Variants in CELF2 observed in about 807,000 individuals in gnomAD.
The protein encoded by CELF2 is CUG triplet repeat RNA-binding protein 2.
CELF2 carries 8 observed loss-of-function variants against 62.6 expected under a neutral mutation model. The observed-to-expected ratio is 0.13, with a 90% CI of 0.07 to 0.23. The LOEUF is 0.23. Among genes scored for constraint, CELF2 ranks in the 10% least tolerant of loss-of-function variants. The pLI is 1.00. For synonymous variants in CELF2, 258 were observed against 250.0 expected (o/e 1.03, Z -0.30); for missense variants, 333 against 671.0 (o/e 0.50, Z 5.56).
At chr10:10,542,519 A>G in the CELF2 span, among the ~76,000 whole-genome samples, 2 of 152,198 alleles carry the variant, frequency 1.3e-5, no homozygotes, top group Admixed American at 1.3e-4. Flanking sequence ...GGAGAGGGAA[A>G]GCTTTTCCAC....
At chr10:11,100,208 TAAATAAATAAATA>T (rs902670817) in intron 1 of CELF2, among the ~76,000 whole-genome samples, 28 of 121,970 alleles carry the variant, frequency 2.3e-4, no homozygotes, top group Admixed American at 1.5e-4. Context: ...TGTCTCAAAA[TAAATAAATAAATA>T]AAATAAATAA....
At chr10:10,755,638 G>A in the CELF2 span, among the ~76,000 whole-genome samples, 1 of 152,226 alleles carries the variant, frequency 6.6e-6, no homozygotes, top group African/African-American at 2.4e-5. Flanking sequence ...CTTCTCAGAA[G>A]AGTGAGGAAC....
chr10:11,220,459 G>C lies in CELF2; in HGVS notation c.354+2952G>C, dbSNP rs2064515511. On this transcript the variant is annotated intron_variant, in intron 3 of 12. Transcript: ENST00000633077. This position sits in a 1 kb window ranked among gnomAD's most constrained non-coding sequence, Gnocchi z 4.4. Reference sequence around the variant, plus strand: ...TCTGCCATAAGATTTTGATTTAAAGGCACCCTCCTTTACATGTCAGGAATG... The same window carrying C: ...TCTGCCATAAGATTTTGATTTAAAGCCACCCTCCTTTACATGTCAGGAATG... Among the ~76,000 whole-genome samples the C allele has an allele frequency of 6.6e-6, 1 of 152,120 alleles. No individual in the cohort carries two copies. Among genetic ancestry groups the C allele is most frequent in the South Asian group, 2.1e-4 (1 of 4,830 alleles).
At chr10:10,685,321 A>G in the CELF2 span, among the ~76,000 whole-genome samples, 1 of 152,212 alleles carries the variant, frequency 6.6e-6, no homozygotes, top group Non-Finnish European at 1.5e-5. Flanking sequence ...TCTTTAGGCA[A>G]ACATTAAATC....
In CELF2 at chr10:11,237,758, G is replaced by GA. The variant is rs1487012683; in HGVS notation, c.355-11395_355-11394insA. ...GCTGGCACTGGGGAGGGCACCGAAG[G>GA]CTGAGGGAGCACTGAGGCCCCAGGC... On this transcript the variant is annotated intron_variant, in intron 3 of 12. Coordinates refer to ENST00000633077, the MANE Select transcript of CELF2 (RefSeq NM_001326342.2). This position sits in a 1 kb window ranked among gnomAD's most constrained non-coding sequence, Gnocchi z 4.0. Among the ~76,000 whole-genome samples, 4 of 139,906 alleles carry GA rather than the reference G, an allele frequency of 2.9e-5. No individual in the cohort carries two copies. In the East Asian group the frequency reaches 8.4e-4, roughly 29 times the overall value. The allele number at this position is 139,906 out of a possible 152,430, so 91.8% of individuals were successfully genotyped here.
rs761518550 is a variant in CELF2 at position 11,157,093 on chromosome 10, A to G, written c.75-8393A>G. ...GGAAATGGAAGGTCCTTTGCGGAACAGGCTCCAGGGGGTGGCATTTCAAGA... is the reference window on the plus strand; with the variant it reads ...GGAAATGGAAGGTCCTTTGCGGAACGGGCTCCAGGGGGTGGCATTTCAAGA... On this transcript the variant is annotated intron_variant, in intron 1 of 12. Transcript: ENST00000633077. This position sits in a 1 kb window ranked among gnomAD's most constrained non-coding sequence, Gnocchi z 4.9. 2.0e-5 allele frequency among the ~76,000 whole-genome samples: 3 copies of G among 152,108 alleles called. No homozygotes were observed. Among genetic ancestry groups the G allele is most frequent in the Non-Finnish European group, 4.4e-5 (3 of 68,026 alleles).
the CELF2 span, among the ~76,000 whole-genome samples, chr10:10,517,451 G>T: frequency 2.0e-5 from 3 of 152,158 alleles, no homozygotes; most frequent in Non-Finnish European, 4.4e-5. Context: ...TCACCACCCT[G>T]ACCCTGGTCA....
At chr10:10,776,561 G>T in the CELF2 span, 1 of 155,642 alleles carries the variant, frequency 6.4e-6, no homozygotes. Context: ...GGAATGCTGA[G>T]TAAGACAAAA....
chr10:10,826,753 AG>A (rs1445624991), intron 1 of CELF2, among the ~76,000 whole-genome samples: 1 of 152,244 alleles, frequency 6.6e-6, no homozygotes, highest in Non-Finnish European at 1.5e-5. Context: ...TCAAAGATAA[AG>A]AATGCTTTGT....
At chr10:10,654,272 T>C in the CELF2 span, among the ~76,000 whole-genome samples, 16 of 114,460 alleles carry the variant, frequency 1.4e-4, no homozygotes, top group Non-Finnish European at 2.3e-4. Context: ...GATTCACAGC[T>C]GAATTCTACC....
At chr10:11,236,812 G>A (rs1247707024) in intron 3 of CELF2, among the ~76,000 whole-genome samples, 1 of 152,242 alleles carries the variant, frequency 6.6e-6, no homozygotes, top group Non-Finnish European at 1.5e-5. Context: ...GTGTGTACGT[G>A]CATGAGAAGG....
the CELF2 span, among the ~76,000 whole-genome samples, chr10:10,523,259 T>C: frequency 6.6e-6 from 1 of 152,154 alleles, no homozygotes; most frequent in East Asian, 1.9e-4. Flanking sequence ...AGTTAGGAGG[T>C]TATGAGTTTC....
chr10:11,217,358 C>A lies in CELF2; in HGVS notation c.272-67C>A. 9.3e-7 allele frequency: 1 copy of A among 1,073,686 alleles called. No homozygotes were observed. The allele number at this position is 1,073,686 out of a possible 1,614,324, so 66.5% of individuals were successfully genotyped here. A position where few individuals can be genotyped will look rare whatever the true frequency, so the allele number is the denominator to read the frequency against. The stretch of plus-strand genomic sequence containing the variant: ...TTTTAAGTAGATTGTTTGTTCGCCA[C>A]AGTCTCCATTATATCTAAGCAAAGC... On this transcript the variant is annotated intron_variant, in intron 2 of 12. Coordinates refer to ENST00000633077, the MANE Select transcript of CELF2 (RefSeq NM_001326342.2). This position sits in a 1 kb window ranked among gnomAD's most constrained non-coding sequence, Gnocchi z 5.6.
In CELF2 at chr10:10,809,947, T is replaced by A. The variant is rs185991834; in HGVS notation, c.53+11130T>A. 2.6e-3 allele frequency among the ~76,000 whole-genome samples: 398 copies of A among 152,328 alleles called. 2 individuals carry two copies. Among genetic ancestry groups the A allele is most frequent in the Non-Finnish European group, 3.0e-3 (201 of 68,010 alleles). On this transcript the variant is annotated intron_variant, in intron 1 of 13. Transcript: ENST00000636488. Reference sequence around the variant, plus strand: ...TTTTATTGAACCAACAATATTAAACTAATCTTACCAAGAATTTACTCAAAT... The same window carrying A: ...TTTTATTGAACCAACAATATTAAACAAATCTTACCAAGAATTTACTCAAAT...
At chr10:10,484,004 TCTCC>T in the CELF2 span, among the ~76,000 whole-genome samples, 1 of 38,086 alleles carries the variant, frequency 2.6e-5, no homozygotes, top group South Asian at 1.6e-3. Flanking sequence ...TCCCCCGCTT[TCTCC>T]CTCCCTCCCT....
intron 1 of CELF2, among the ~76,000 whole-genome samples, chr10:11,109,013 T>G (rs1203275885): frequency 6.6e-6 from 1 of 152,238 alleles, no homozygotes; most frequent in Non-Finnish European, 1.5e-5. Flanking sequence ...CAGTGTGTAC[T>G]CCTGGATGAC....
intron 2 of CELF2, among the ~76,000 whole-genome samples, chr10:11,186,830 AT>A (rs2075075455): frequency 6.6e-6 from 1 of 152,186 alleles, no homozygotes; most frequent in South Asian, 2.1e-4. Context: ...TGGATAAAGG[AT>A]CTCAACCTGT....
chr10:11,239,474 C>G (rs996952418), intron 3 of CELF2, among the ~76,000 whole-genome samples: 1 of 152,172 alleles, frequency 6.6e-6, no homozygotes, highest in Admixed American at 6.5e-5. Flanking sequence ...GACCTTGTCT[C>G]CTTCCCCTCA....
In CELF2 at chr10:11,217,265, C is replaced by T. The variant is rs2063595857; in HGVS notation, c.272-160C>T. ...AAATATGATTTAGGATGAAAAGGTA[C>T]TGTGTAAATGCTTGAGATGTTGTTA... On this transcript the variant is annotated intron_variant, in intron 2 of 12. Transcript: ENST00000633077. This position sits in a 1 kb window ranked among gnomAD's most constrained non-coding sequence, Gnocchi z 5.6. Among the ~76,000 whole-genome samples, 2 of 152,198 alleles carry T rather than the reference C, an allele frequency of 1.3e-5. No individual in the cohort carries two copies. The highest frequency in any genetic ancestry group is 4.1e-4 in the South Asian group (2 of 4,832).
Sources: allele counts gnomAD v4.1 joint callset (sites outside exome capture counted in the v4.1 genomes callset), GRCh38; gene constraint gnomAD v4.1.1; non-coding constraint Gnocchi (gnomAD v3.1); transcripts MANE v1.5; gene names NCBI Gene and HGNC (gene_info 2026-07-23, HGNC 2026-07-21).